Variants in FNDC7 observed in about 807,000 individuals in gnomAD.
The protein encoded by FNDC7 is fibronectin type III domain-containing protein 7.
FNDC7 carries 66 observed loss-of-function variants against 74.2 expected under a neutral mutation model. The ratio of observed to expected loss-of-function variants is 0.89; its 90% CI spans 0.73 to 1.09. The LOEUF (loss-of-function observed/expected upper bound fraction) is 1.09. FNDC7 is among the 50% of genes least tolerant of loss of function. FNDC7 has a pLI of 0.00. For missense variants in FNDC7, 829 were observed against 893.4 expected (o/e 0.93, Z 0.92); for synonymous variants, 307 against 330.2 (o/e 0.93, Z 0.76).
intron 2 of FNDC7, among the ~76,000 whole-genome samples, chr1:108,715,656 C>T (rs566171943): frequency 3.5e-5 from 3 of 86,562 alleles, no homozygotes; most frequent in Admixed American, 1.8e-4. Context: ...CAAACATGCG[C>T]GTGCGTGCGC....
At chr1:108,715,522 C>G (rs927424451) in intron 2 of FNDC7, among the ~76,000 whole-genome samples, 2 of 152,230 alleles carry the variant, frequency 1.3e-5, no homozygotes, top group East Asian at 1.9e-4. Flanking sequence ...CAGACAATCT[C>G]TCTCTCCAGC....
At position 108,725,793 on chromosome 1, in the gene FNDC7, T is replaced by C. The variant is rs1200535077; in HGVS notation, c.900T>C (p.Pro300=). The change falls in exon 6 of 13, where the codon CCT becomes CCC. Residue 300 remains proline, a synonymous_variant. Coordinates refer to ENST00000370017, the MANE Select transcript of FNDC7 (RefSeq NM_001144937.3). ...GAGTGACGATCCAAGAAGATCCCCC[T>C]GGCCACCTGTCTGTGGCTTGGTCCA... is the stretch of plus-strand genomic sequence containing the variant. The part of the protein sequence containing the change: ...PGRVTIQEDP[P]GHLSVAWSSV... The C allele has an allele frequency of 6.2e-7, 1 of 1,614,188 alleles. No individual in the cohort carries two copies. The highest frequency in any genetic ancestry group is 1.7e-5 in the Admixed American group (1 of 60,032).
chr1:108,726,264 C>A (rs571589362), intron 6 of FNDC7, among the ~76,000 whole-genome samples: 1 of 152,298 alleles, frequency 6.6e-6, no homozygotes, highest in South Asian at 2.1e-4. Context: ...AGATTGAACT[C>A]GCCACAAAGA....
At chr1:108,735,985 T>A (rs1277845750) in intron 10 of FNDC7, among the ~76,000 whole-genome samples, 1 of 151,950 alleles carries the variant, frequency 6.6e-6, no homozygotes, top group African/African-American at 2.4e-5. Flanking sequence ...TTTAAAATTT[T>A]TTTGTAGAGA....
chr1:108,727,682 G>A (rs566829826), intron 6 of FNDC7, 126 bp from the exon 7 acceptor site: 14 of 1,126,348 alleles, frequency 1.2e-5, no homozygotes, highest in Non-Finnish European at 1.7e-5. Context: ...AGACCCATAG[G>A]GAGTCACTGT....
rs1661112719 is a variant in FNDC7, at chr1:108,722,389, C to T, written c.653C>T (p.Ala218Val). Reference sequence around the variant, plus strand: ...TCTTTCGATAGTGGAGCTCTGAAGGCATCTTTTTCCTGGGCACGGGCAGAA... The same window carrying T: ...TCTTTCGATAGTGGAGCTCTGAAGGTATCTTTTTCCTGGGCACGGGCAGAA... ...QVSFDSGALK[A>V]SFSWARAEGA... is the part of the protein sequence containing the mutation. Residue 218 changes from alanine (A) to valine (V), a missense_variant, in exon 5 of 13, where the codon GCA becomes GTA. Transcript: ENST00000370017. 2.5e-6 allele frequency: 4 copies of T among 1,614,006 alleles called. No homozygotes were observed. The highest frequency in any genetic ancestry group is 3.4e-6 in the Non-Finnish European group (4 of 1,180,004).
intron 10 of FNDC7, among the ~76,000 whole-genome samples, chr1:108,736,059 C>T (rs1661507230): frequency 6.6e-6 from 1 of 152,214 alleles, no homozygotes; most frequent in Non-Finnish European, 1.5e-5. Flanking sequence ...CCTCTCGCCG[C>T]AGCCTCCCAA....
rs190592005 is a variant in FNDC7, at chr1:108,734,486, C to G, written c.2140+954C>G. On this transcript the variant is annotated intron_variant, in intron 10 of 12. Transcript: ENST00000370017. ...CTAGAAGAAAAGAGATGATGAAGCC[C>G]TAGAATTTTGCAGGTGAACACAGAA... The G allele has an allele frequency of 1.2e-4, 19 of 152,256 alleles. No homozygotes were observed. The East Asian group carries it at 3.7e-3, about 29-fold the overall frequency. 9.4% of individuals were successfully genotyped at this position (152,256 alleles called of 1,614,324 possible).
chr1:108,728,156 A>G, intron 7 of FNDC7, 91 bp downstream of exon 7: 1 of 1,461,886 alleles, frequency 6.8e-7, no homozygotes, highest in Non-Finnish European at 9.4e-7. Flanking sequence ...GACCAATAAA[A>G]AGGTTAAATC....
rs1231104525 is a variant in FNDC7 at position 108,728,736 on chromosome 1, C to T, written c.1474C>T (p.Gln492Ter). Reference sequence around the variant, plus strand: ...TGATGCTACTTACACGGTGACTGCCCAAGGGGAGAAAGGACTGTATCAGTG... The same window carrying T: ...TGATGCTACTTACACGGTGACTGCCTAAGGGGAGAAAGGACTGTATCAGTG... ...NDDATYTVTA[Q>*]GEKGLYQCSS... The change falls in exon 8 of 13, where the codon CAA (glutamine) becomes TAA (stop). Residue 492 changes from glutamine (Q) to a stop codon, truncating the protein, a stop_gained. Coordinates refer to ENST00000370017, the MANE Select transcript of FNDC7 (RefSeq NM_001144937.3). LOFTEE classifies it high-confidence loss of function. 1.2e-6 allele frequency: 2 copies of T among 1,614,242 alleles called. No individual in the cohort carries two copies. The highest frequency in any genetic ancestry group is 1.6e-4 in the Middle Eastern group (1 of 6,062).
chr1:108,718,163 T>C (rs1035577012), intron 3 of FNDC7, 132 bp downstream of exon 3: 1 of 1,192,550 alleles, frequency 8.4e-7, no homozygotes, highest in East Asian at 2.6e-5. Flanking sequence ...AAGTGAAAGC[T>C]ACCAAATGAT....
chr1:108,729,856 A>G (rs921139941), intron 8 of FNDC7, among the ~76,000 whole-genome samples: 1 of 152,218 alleles, frequency 6.6e-6, no homozygotes, highest in Non-Finnish European at 1.5e-5. Context: ...GATAGAGACC[A>G]TACAAAATAC....
rs1226168698 is a variant in FNDC7, at chr1:108,717,869, C to T, written c.175C>T (p.Leu59Phe). 3.9e-6 allele frequency: 6 copies of T among 1,551,724 alleles called. No homozygotes were observed. Among genetic ancestry groups the T allele is most frequent in the Middle Eastern group, 1.7e-4 (1 of 5,992 alleles). ...TACAGTGCCGGGTGCCACCAGTTAC[C>T]TCCTCACGGCTGAAGACGGGGACAC... ...WATVPGATSY[L>F]LTAEDGDTVI... The change falls in exon 3 of 13, where the codon CTC (leucine) becomes TTC (phenylalanine). Residue 59 changes from leucine (L) to phenylalanine (F), a missense_variant. Physicochemically the swap from Leu to Phe is conservative, Grantham distance 22. Coordinates refer to ENST00000370017, the MANE Select transcript of FNDC7 (RefSeq NM_001144937.3).
chr1:108,720,873 G>C (rs1345968639), intron 4 of FNDC7, among the ~76,000 whole-genome samples: 1 of 152,190 alleles, frequency 6.6e-6, no homozygotes, highest in Non-Finnish European at 1.5e-5. Flanking sequence ...GCTACATTCT[G>C]AGAGTACTAG....
chr1:108,732,087 C>T (rs1464699265), intron 9 of FNDC7, among the ~76,000 whole-genome samples: 2 of 152,102 alleles, frequency 1.3e-5, no homozygotes, highest in South Asian at 2.1e-4. Flanking sequence ...TGGCCTGGCG[C>T]GGTGGCTCAT....
intron 10 of FNDC7, among the ~76,000 whole-genome samples, chr1:108,735,159 C>G (rs1044830083): frequency 6.6e-6 from 1 of 152,158 alleles, no homozygotes; most frequent in Non-Finnish European, 1.5e-5. Flanking sequence ...TCTCCCTCAC[C>G]CTCCATATCT....
intron 10 of FNDC7, among the ~76,000 whole-genome samples, chr1:108,736,288 A>G (rs1294012605): frequency 6.6e-6 from 1 of 151,954 alleles, no homozygotes; most frequent in Non-Finnish European, 1.5e-5. Flanking sequence ...CCCCACTTCC[A>G]CCAAGAGAAC....
At chr1:108,723,523 G>A (rs543843448) in intron 5 of FNDC7, among the ~76,000 whole-genome samples, 1 of 152,160 alleles carries the variant, frequency 6.6e-6, no homozygotes, top group South Asian at 2.1e-4. Flanking sequence ...TTTCAGGCCC[G>A]CACTCTCTTA....
At chr1:108,715,899 CT>C (rs893427863) in intron 2 of FNDC7, among the ~76,000 whole-genome samples, 1 of 152,206 alleles carries the variant, frequency 6.6e-6, no homozygotes, top group African/African-American at 2.4e-5. Context: ...AAACCCAGAG[CT>C]CCTGAATCCA....
Sources: allele counts gnomAD v4.1 joint callset (sites outside exome capture counted in the v4.1 genomes callset), GRCh38; gene constraint gnomAD v4.1.1; transcripts MANE v1.5; gene names NCBI Gene and HGNC (gene_info 2026-07-23, HGNC 2026-07-21).